Variants in PRH1 observed in about 807,000 individuals in gnomAD.
PRH1 encodes the protein proline rich protein HaeIII subfamily 1, also known as salivary acidic proline-rich phosphoprotein 1/2.
In PRH1, 7 loss-of-function variants were observed where a neutral mutation model predicts 7.9. The observed-to-expected ratio is 0.89, with a 90% CI of 0.50 to 1.67. PRH1 has a LOEUF of 1.67. Ranked by LOEUF, PRH1 falls within the 40% of genes most tolerant of loss-of-function variation. The pLI is 0.00. For missense variants in PRH1, 109 were observed against 223.6 expected, an observed-to-expected ratio of 0.49 and a Z score of 3.27; for synonymous variants, 45 against 80.8, an observed-to-expected ratio of 0.56 and a Z score of 2.38.
At chr12:11,021,841 C>T (rs1192625605) in intron 1 of PRH1, 7 of 1,614,134 alleles carry the variant, frequency 4.3e-6, no homozygotes, top group African/African-American at 1.3e-5. Flanking sequence ...TGTGATTATA[C>T]ACAGAAAGTA....
At chr12:11,141,314 G>A (rs1946697283) in intron 1 of PRH1, among the ~76,000 whole-genome samples, 1 of 152,030 alleles carries the variant, frequency 6.6e-6, no homozygotes, top group Non-Finnish European at 1.5e-5. Context: ...ACTATTGTGG[G>A]TCACTTGAAA....
At chr12:11,078,175 G>C (rs1944365608) in intron 1 of PRH1, 2 of 528,018 alleles carry the variant, frequency 3.8e-6, no homozygotes, top group East Asian at 2.7e-5. Context: ...GAAGCCATTG[G>C]AAAAATTTCC....
intron 1 of PRH1, chr12:11,159,689 G>A (rs1254109695): frequency 6.6e-6 from 1 of 152,000 alleles, no homozygotes; most frequent in East Asian, 1.9e-4. Context: ...TAATTCCAAC[G>A]AACATTTCTA....
chr12:10,928,864 CT>C (rs1229649332), intron 2 of PRH1, among the ~76,000 whole-genome samples: 1 of 151,484 alleles, frequency 6.6e-6, no homozygotes, highest in Non-Finnish European at 1.5e-5. Flanking sequence ...GCCCAACCCC[CT>C]GACACACCCA....
chr12:10,989,080 T>C (rs1340315131), intron 1 of PRH1, among the ~76,000 whole-genome samples: 1 of 152,186 alleles, frequency 6.6e-6, no homozygotes, highest in African/African-American at 2.4e-5. Context: ...AGTGCTGGGA[T>C]TACAGGCGTG....
intron 1 of PRH1, among the ~76,000 whole-genome samples, chr12:11,129,536 C>T (rs1946261740): frequency 6.6e-6 from 1 of 152,286 alleles, no homozygotes; most frequent in African/African-American, 2.4e-5. Context: ...TTTCTATAAC[C>T]CGATTCACTT....
chr12:11,001,181 T>C (rs1940576868), intron 1 of PRH1, among the ~76,000 whole-genome samples: 1 of 152,010 alleles, frequency 6.6e-6, no homozygotes, highest in Non-Finnish European at 1.5e-5. Context: ...GATAGCAGCT[T>C]GTCTGTTGAT....
At chr12:11,044,903 C>G (rs1942849722) in intron 1 of PRH1, among the ~76,000 whole-genome samples, 1 of 152,136 alleles carries the variant, frequency 6.6e-6, no homozygotes, top group Non-Finnish European at 1.5e-5. Flanking sequence ...TGAAAGTTTT[C>G]TTAAAAGACA....
chr12:10,947,785 T>C (rs1950510233), intron 2 of PRH1, among the ~76,000 whole-genome samples: 1 of 152,160 alleles, frequency 6.6e-6, no homozygotes, highest in African/African-American at 2.4e-5. Flanking sequence ...TTTTCTATAC[T>C]AAGTGCCGCT....
chr12:10,891,507 T>A lies in PRH1; in HGVS notation c.-58-7232A>T, dbSNP rs1393509505. 2.6e-5 allele frequency: 4 copies of A among 152,230 alleles called. No homozygotes were observed. The South Asian group carries it at 6.2e-4, about 24-fold the overall frequency. 9.4% of individuals were successfully genotyped at this position (152,230 alleles called of 1,614,324 possible). A position where few individuals can be genotyped will look rare whatever the true frequency, so the allele number is the denominator to read the frequency against. On this transcript the variant is annotated intron_variant, in intron 2 of 3. Transcript: ENST00000539853. ...CCAATTACAAACATTTTAGTCAACA[T>A]GTTAGCTACCAGTTCCCATGGACTT...
At chr12:10,939,380 T>C (rs1041939851) in intron 2 of PRH1, 1 of 502,974 alleles carries the variant, frequency 2.0e-6, no homozygotes, top group Non-Finnish European at 3.4e-6. Flanking sequence ...TTTAAAGCTC[T>C]CTTCATAAAA....
intron 2 of PRH1, among the ~76,000 whole-genome samples, chr12:10,892,223 G>C (rs905268974): frequency 6.6e-6 from 1 of 152,192 alleles, no homozygotes; most frequent in Non-Finnish European, 1.5e-5. Context: ...GCTAGACCAT[G>C]CAGAAGTGCA....
In PRH1 at chr12:11,029,412, A is replaced by G. The variant is rs2418300; in HGVS notation, c.-126+17608T>C. 2.4e-5 allele frequency among the ~76,000 whole-genome samples: 3 copies of G among 125,330 alleles called. No homozygotes were observed. The South Asian group carries it at 8.7e-4, about 36-fold the overall frequency. The allele number at this position is 125,330 out of a possible 152,430, so 82.2% of individuals were successfully genotyped here. A position where few individuals can be genotyped will look rare whatever the true frequency, so the allele number is the denominator to read the frequency against. On this transcript the variant is annotated intron_variant, in intron 1 of 3. Transcript: ENST00000539853. ...TTGACTGAAATATTTTCCACAATTT[A>G]TATATTATATTTACATTGATTTTAT...
intron 1 of PRH1, among the ~76,000 whole-genome samples, chr12:11,039,581 AC>A (rs1230538092): frequency 1.3e-5 from 2 of 152,228 alleles, no homozygotes; most frequent in Admixed American, 1.3e-4. Flanking sequence ...AACCCAATAC[AC>A]AGATGACACA....
intron 1 of PRH1, among the ~76,000 whole-genome samples, chr12:11,067,462 A>G (rs1379120200): frequency 6.6e-6 from 1 of 152,076 alleles, no homozygotes; most frequent in Non-Finnish European, 1.5e-5. Context: ...AAAGGTGTTT[A>G]GCTGTCATAA....
At position 11,106,128 on chromosome 12, in the gene PRH1, G is replaced by T. The variant is rs1379138622; in HGVS notation, n.124-58940C>A. Reference sequence around the variant, plus strand: ...GCTAATTTTTTGTATTTTTAGTAGAGACGGGGTTTCACCGTGTTAGCCAGG... The same window carrying T: ...GCTAATTTTTTGTATTTTTAGTAGATACGGGGTTTCACCGTGTTAGCCAGG... On this transcript the variant is annotated intron_variant and non_coding_transcript_variant, in intron 1 of 4. Transcript: ENST00000541977. Among the ~76,000 whole-genome samples, 3 of 70,714 alleles carry T rather than the reference G, an allele frequency of 4.2e-5. 1 individual carries two copies. Among genetic ancestry groups the T allele is most frequent in the Non-Finnish European group, 1.1e-4 (3 of 27,672 alleles). The allele number at this position is 70,714 out of a possible 152,430, so 46.4% of individuals were successfully genotyped here. A position where few individuals can be genotyped will look rare whatever the true frequency, so the allele number is the denominator to read the frequency against.
At chr12:11,058,714 C>T (rs1486232446) in intron 1 of PRH1, among the ~76,000 whole-genome samples, 3 of 74,898 alleles carry the variant, frequency 4.0e-5, no homozygotes, top group Non-Finnish European at 1.0e-4. Flanking sequence ...CATTATAGGA[C>T]TCTGTGCACG....
intron 1 of PRH1, chr12:11,092,322 G>A: frequency 2.4e-6 from 1 of 412,848 alleles, no homozygotes; most frequent in South Asian, 2.7e-5. Flanking sequence ...GACTTCAAAA[G>A]GGAGCCACTG....
intron 1 of PRH1, among the ~76,000 whole-genome samples, chr12:11,121,636 C>T (rs767606185): frequency 6.6e-6 from 1 of 151,942 alleles, no homozygotes; most frequent in Non-Finnish European, 1.5e-5. Flanking sequence ...AATTTTTTTT[C>T]TAAGCTATTC....
Sources: allele counts gnomAD v4.1 joint callset (sites outside exome capture counted in the v4.1 genomes callset), GRCh38; gene constraint gnomAD v4.1.1; transcripts MANE v1.5; gene names NCBI Gene and HGNC (gene_info 2026-07-23, HGNC 2026-07-21).